RBFOX1: variants seen among roughly 807,000 people sequenced by gnomAD.
RBFOX1 encodes the protein RNA binding protein fox-1 homolog 1.
RBFOX1 carries 8 observed loss-of-function variants against 57.7 expected under a neutral mutation model. The ratio of observed to expected loss-of-function variants is 0.14; its 90% confidence interval spans 0.08 to 0.25. RBFOX1 has a LOEUF of 0.25. Ranked by LOEUF, RBFOX1 falls within the 10% of genes least tolerant of loss-of-function variation. The pLI is 1.00. For synonymous variants in RBFOX1, 326 were observed against 222.4 expected (o/e 1.47, Z -4.15); for missense variants, 611 against 548.5 (o/e 1.11, Z -1.14).
chr16:7,407,168 C>T (rs1455967615), intron 4 of RBFOX1, among the ~76,000 whole-genome samples: 1 of 152,120 alleles, frequency 6.6e-6, no homozygotes, highest in Non-Finnish European at 1.5e-5. Context: ...ATCACCAGAG[C>T]AGTATACACT....
At chr16:6,203,832 A>T (rs571697971) in intron 1 of RBFOX1, among the ~76,000 whole-genome samples, 7 of 152,298 alleles carry the variant, frequency 4.6e-5, no homozygotes, top group African/African-American at 1.7e-4. Flanking sequence ...CATCTGATGC[A>T]GCAGTCTCAC....
intron 2 of RBFOX1, among the ~76,000 whole-genome samples, chr16:5,574,185 T>G (rs529667723): frequency 2.1e-4 from 32 of 152,248 alleles, no homozygotes; most frequent in Middle Eastern, 3.4e-3. Context: ...TCGAGTTCAT[T>G]GGTTTCATTT....
At chr16:7,588,633 C>A (rs1180590051) in intron 7 of RBFOX1, among the ~76,000 whole-genome samples, 1 of 152,166 alleles carries the variant, frequency 6.6e-6, no homozygotes, top group African/African-American at 2.4e-5. Context: ...CATTGACTCT[C>A]CTTACACAGG....
intron 3 of RBFOX1, among the ~76,000 whole-genome samples, chr16:6,765,571 C>T (rs1234179775): frequency 6.6e-6 from 1 of 152,128 alleles, no homozygotes; most frequent in Non-Finnish European, 1.5e-5. Flanking sequence ...AGTACAACCT[C>T]TATGGAAAAC....
intron 3 of RBFOX1, among the ~76,000 whole-genome samples, chr16:7,000,004 A>G (rs2092642154): frequency 6.6e-6 from 1 of 151,518 alleles, no homozygotes; most frequent in African/African-American, 2.4e-5. Context: ...CCTAGCAGGC[A>G]GAGGTTGCAG....
intron 4 of RBFOX1, among the ~76,000 whole-genome samples, chr16:5,880,140 AT>A (rs1220407325): frequency 6.6e-6 from 1 of 152,136 alleles, no homozygotes; most frequent in Non-Finnish European, 1.5e-5. Context: ...GCACTCTTTT[AT>A]GCACTTTGTT....
intron 4 of RBFOX1, among the ~76,000 whole-genome samples, chr16:7,436,777 C>T (rs2098724692): frequency 6.6e-6 from 1 of 152,138 alleles, no homozygotes; most frequent in South Asian, 2.1e-4. Flanking sequence ...ATTTTAAAAT[C>T]TCAGCCTGGT....
intron 3 of RBFOX1, among the ~76,000 whole-genome samples, chr16:6,930,306 C>G (rs72772269): frequency 0.12 from 17,951 of 152,102 alleles, 1,234 homozygotes; most frequent in East Asian, 0.24. Context: ...ATACAAATGG[C>G]CAATATGCAC....
chr16:5,584,192 T>G (rs533928758), intron 2 of RBFOX1, among the ~76,000 whole-genome samples: 1 of 152,334 alleles, frequency 6.6e-6, no homozygotes, highest in African/African-American at 2.4e-5. Flanking sequence ...GTGATTATGT[T>G]CAGGAAGTAT....
chr16:5,753,460 T>G (rs1030370817), intron 3 of RBFOX1, among the ~76,000 whole-genome samples: 5 of 152,210 alleles, frequency 3.3e-5, no homozygotes, highest in African/African-American at 1.2e-4. Context: ...CAACTCCGTT[T>G]CCATATGGTA....
chr16:7,466,917 C>T (rs2060627220), intron 4 of RBFOX1, among the ~76,000 whole-genome samples: 1 of 152,158 alleles, frequency 6.6e-6, no homozygotes, highest in Admixed American at 6.5e-5. Context: ...TGAGGATTTT[C>T]AGCCACAGGA....
intron 2 of RBFOX1, among the ~76,000 whole-genome samples, chr16:6,541,395 G>A (rs74249660): frequency 0.039 from 5,986 of 152,312 alleles, 341 homozygotes; most frequent in African/African-American, 0.11. Flanking sequence ...GGTTATGGCA[G>A]TGAGCAGCAC....
chr16:6,909,762 TC>T (rs1044160135), intron 3 of RBFOX1, among the ~76,000 whole-genome samples: 1 of 152,124 alleles, frequency 6.6e-6, no homozygotes, highest in African/African-American at 2.4e-5. Flanking sequence ...GGTGTTATTT[TC>T]TCCCGAGTGT....
At chr16:6,545,512 C>T (rs969993589) in intron 2 of RBFOX1, among the ~76,000 whole-genome samples, 3 of 152,128 alleles carry the variant, frequency 2.0e-5, no homozygotes, top group South Asian at 2.1e-4. Context: ...TGCCTCCTGT[C>T]GTGGTCACTT....
At chr16:7,155,929 C>G (rs1330471285) in intron 4 of RBFOX1, among the ~76,000 whole-genome samples, 2 of 151,036 alleles carry the variant, frequency 1.3e-5, no homozygotes, top group African/African-American at 4.9e-5. Context: ...ATTCCTATAC[C>G]CCATTAAAAA....
At chr16:5,784,005 G>T (rs11076967) in intron 3 of RBFOX1, among the ~76,000 whole-genome samples, 43,639 of 152,122 alleles carry the variant, frequency 0.29, 6,676 homozygotes, top group East Asian at 0.55. Flanking sequence ...CTGAGACTGG[G>T]TAATTTATAA....
At chr16:6,301,709 C>CATTTG (rs2078838953) in intron 1 of RBFOX1, among the ~76,000 whole-genome samples, 1 of 152,046 alleles carries the variant, frequency 6.6e-6, no homozygotes, top group African/African-American at 2.4e-5. Flanking sequence ...TAGGGGAGTG[C>CATTTG]CTAGAACTTA....
At chr16:6,197,647 A>T (rs199980976) in intron 1 of RBFOX1, among the ~76,000 whole-genome samples, 36 of 142,482 alleles carry the variant, frequency 2.5e-4, no homozygotes, top group African/African-American at 8.5e-4. Context: ...TTTTTTTTTT[A>T]ATTTTTATTT....
rs2041895316 is a variant in RBFOX1 at position 7,029,061 on chromosome 16, T to TATATATATAC, written c.-15-22987_-15-22986insCATATATATA. ...AAAAAAAAAGCTATATATATATATA[T>TATATATATAC]ATATATATATATATATATATACACA... On this transcript the variant is annotated intron_variant, in intron 3 of 15. Transcript: ENST00000550418. Among the ~76,000 whole-genome samples the TATATATATAC allele has an allele frequency of 7.1e-4, 22 of 30,894 alleles. 2 individuals are homozygous for TATATATATAC. In the South Asian group the frequency reaches 0.025, roughly 34 times the overall value. 20.3% of individuals were successfully genotyped at this position (30,894 alleles called of 152,430 possible).
Sources: gnomAD v4.1 joint callset for allele counts (sites outside exome capture counted in the v4.1 genomes callset) on GRCh38, gnomAD v4.1.1 for gene constraint, MANE v1.5 for transcripts, NCBI Gene and HGNC (gene_info 2026-07-23, HGNC 2026-07-21) for gene names.